TIE1: variants seen among roughly 807,000 people sequenced by gnomAD.
The protein encoded by TIE1 is tyrosine-protein kinase receptor Tie-1.
A neutral mutation model predicts 130.5 loss-of-function variants in TIE1; 89 were observed. That is an observed-to-expected ratio of 0.68 (90% confidence interval 0.57 to 0.81). TIE1 has a LOEUF of 0.81. Ranked by LOEUF, TIE1 falls within the 40% of genes least tolerant of loss-of-function variation. The probability of loss-of-function intolerance (pLI) is 0.00; values close to 1 mark genes in which losing one functional copy is unlikely to be tolerated. For synonymous variants in TIE1, 568 were observed against 629.4 expected (o/e 0.90, Z 1.46); for missense variants, 1,392 against 1,559.8 (o/e 0.89, Z 1.81).
rs984045324 is a variant in TIE1 at position 43,311,291 on chromosome 1, A to AT, written c.1334-368dup. Among the ~76,000 whole-genome samples the AT allele has an allele frequency of 1.9e-3, 279 of 144,586 alleles. No individual in the cohort carries two copies. In the East Asian group the frequency reaches 0.028, roughly 15 times the overall value. 94.9% of individuals were successfully genotyped at this position (144,586 alleles called of 152,430 possible). ...GAGCAGGTGCTTCAGTGCCAGTGCC[A>AT]TTTTTTTTTTTTAATAAGAGAGTGG... On this transcript the variant is annotated intron_variant, in intron 9 of 22. Transcript: ENST00000372476.
rs1407712878 is a variant in TIE1, at chr1:43,312,505, A to G, written c.1831A>G (p.Thr611Ala). ...QARTALLTGL[T>A]PGTHYQLDVQ... Reference sequence around the variant, plus strand: ...CCGCACTGCCCTCCTGACGGGACTCACGCCTGGCACCCACTACCAGCTGGA... The same window carrying G: ...CCGCACTGCCCTCCTGACGGGACTCGCGCCTGGCACCCACTACCAGCTGGA... Residue 611 changes from threonine to alanine, a missense_variant, in exon 12 of 23, where the codon ACG (threonine) becomes GCG (alanine). Physicochemically the swap from Thr to Ala is moderately conservative, Grantham distance 58 (BLOSUM62 0). Coordinates refer to ENST00000372476, the MANE Select transcript of TIE1 (RefSeq NM_005424.5). The surrounding 1 kb of genome is among the most constrained non-coding windows in gnomAD (Gnocchi z 5.6). 6.2e-7 allele frequency: 1 copy of G among 1,613,134 alleles called. No homozygotes were observed. The highest frequency in any genetic ancestry group is 8.5e-7 in the Non-Finnish European group (1 of 1,179,858).
chr1:43,316,565 G>T lies in TIE1; in HGVS notation c.2410-634G>T, dbSNP rs1366246784. ...CTTTGTTATAGTCTTGCTATTTTCA[G>T]GTCCTGGCCTGATTTTAGAGCTATG... On this transcript the variant is annotated intron_variant, in intron 14 of 22. Coordinates refer to ENST00000372476, the MANE Select transcript of TIE1 (RefSeq NM_005424.5). The surrounding 1 kb of genome is among the most constrained non-coding windows in gnomAD (Gnocchi z 4.4). Among the ~76,000 whole-genome samples, 1 of 152,208 alleles carries T rather than the reference G, an allele frequency of 6.6e-6. No individual in the cohort carries two copies. Among genetic ancestry groups the T allele is most frequent in the East Asian group, 1.9e-4 (1 of 5,196 alleles).
intron 19 of TIE1, 61 bp from the exon 20 acceptor site, chr1:43,321,208 G>A (rs2153913145): frequency 1.9e-6 from 3 of 1,583,990 alleles, no homozygotes; most frequent in South Asian, 2.2e-5. Context: ...TGGGCAGGTA[G>A]AAGCTAAACT....
At position 43,302,675 on chromosome 1, in the gene TIE1, G is replaced by A. The variant is rs188970594; in HGVS notation, c.58+1546G>A. On this transcript the variant is annotated intron_variant, in intron 1 of 22. Transcript: ENST00000372476. ...AGGAGGGATAGCGTGGGAGCATCACGGGGCTTAGGAGCACGAACATTATCC... is the reference window on the plus strand; with the variant it reads ...AGGAGGGATAGCGTGGGAGCATCACAGGGCTTAGGAGCACGAACATTATCC... Among the ~76,000 whole-genome samples the A allele has an allele frequency of 2.3e-4, 35 of 152,262 alleles. No homozygotes were observed. In the East Asian group the frequency reaches 6.2e-3, roughly 27 times the overall value.
chr1:43,308,161 G>T (rs1364575534), intron 7 of TIE1, among the ~76,000 whole-genome samples: 1 of 152,224 alleles, frequency 6.6e-6, no homozygotes, highest in Non-Finnish European at 1.5e-5. Context: ...AGTGGAAAGG[G>T]CAGCAGCCCA....
At position 43,322,994 on chromosome 1, in the gene TIE1, C is replaced by G. The variant is rs1646934497; in HGVS notation, c.*272C>G. The G allele has an allele frequency of 2.1e-6, 1 of 472,356 alleles. No homozygotes were observed. Among genetic ancestry groups the G allele is most frequent in the Admixed American group, 3.5e-5 (1 of 28,794 alleles). 29.3% of individuals were successfully genotyped at this position (472,356 alleles called of 1,614,324 possible). Reference sequence around the variant, plus strand: ...CATCCCACTGCTCCCCCAACACAAACCCCCACTCCAGCTCCTTCGCTTAAG... The same window carrying G: ...CATCCCACTGCTCCCCCAACACAAAGCCCCACTCCAGCTCCTTCGCTTAAG... On this transcript the variant is annotated 3_prime_UTR_variant, in exon 23 of 23. Coordinates refer to ENST00000372476, the MANE Select transcript of TIE1 (RefSeq NM_005424.5). This position sits in a 1 kb window ranked among gnomAD's most constrained non-coding sequence, Gnocchi z 4.0.
chr1:43,319,808 T>G lies in TIE1; in HGVS notation c.3107+279T>G. The G allele has an allele frequency of 2.2e-6, 1 of 458,496 alleles. No homozygotes were observed. 28.4% of individuals were successfully genotyped at this position (458,496 alleles called of 1,614,324 possible). On this transcript the variant is annotated intron_variant, in intron 19 of 22. Transcript: ENST00000372476. The surrounding 1 kb of genome is among the most constrained non-coding windows in gnomAD (Gnocchi z 4.7). ...ATGCCTTGGAGAGGTTTGGGAATGC[T>G]GGCGGATGCTTCCTGAGGTAGATGG... is the stretch of plus-strand genomic sequence containing the variant.
At chr1:43,301,260 G>C in intron 1 of TIE1, 131 bp downstream of exon 1, 1 of 980,596 alleles carries the variant, frequency 1.0e-6, no homozygotes, top group Non-Finnish European at 1.5e-6. Context: ...AGGAAGAAAT[G>C]GGGAGTTTTG....
At chr1:43,321,223 G>T (rs1352272680) in intron 19 of TIE1, 46 bp from the exon 20 acceptor site, 1 of 1,611,048 alleles carries the variant, frequency 6.2e-7, no homozygotes, top group Non-Finnish European at 8.5e-7. Flanking sequence ...TAAACTGCTA[G>T]GGACCAGGGC....
chr1:43,313,654 C>T lies in TIE1; in HGVS notation c.2219-124C>T. The T allele has an allele frequency of 8.5e-7, 1 of 1,178,770 alleles. No individual in the cohort carries two copies. The highest frequency in any genetic ancestry group is 1.6e-5 in the South Asian group (1 of 63,452). The allele number at this position is 1,178,770 out of a possible 1,614,324, so 73.0% of individuals were successfully genotyped here. The stretch of plus-strand genomic sequence containing the variant: ...CCCCTCATCCCTTCCTTCATGTGGC[C>T]CAAGTGATTTCCTGACAGTCCTGGC... On this transcript the variant is annotated intron_variant, in intron 13 of 22. Transcript: ENST00000372476. The surrounding 1 kb of genome is among the most constrained non-coding windows in gnomAD (Gnocchi z 6.2).
Position 43,319,637 on chromosome 1 carries a change from G to A in TIE1, c.3107+108G>A, listed in dbSNP as rs937667743. On this transcript the variant is annotated intron_variant, in intron 19 of 22. Coordinates refer to ENST00000372476, the MANE Select transcript of TIE1 (RefSeq NM_005424.5). This position sits in a 1 kb window ranked among gnomAD's most constrained non-coding sequence, Gnocchi z 4.7. The stretch of plus-strand genomic sequence containing the variant: ...ATAGGTGGTCTAAGGCATGACCTGG[G>A]CTGTGTTCCAGGTGTGACACAGGTG... The A allele has an allele frequency of 6.8e-6, 8 of 1,180,992 alleles. No individual in the cohort carries two copies. Among genetic ancestry groups the A allele is most frequent in the Non-Finnish European group, 1.0e-5 (8 of 795,412 alleles). 73.2% of individuals were successfully genotyped at this position (1,180,992 alleles called of 1,614,324 possible).
intron 19 of TIE1, chr1:43,320,570 T>C (rs1646903528): frequency 6.6e-6 from 1 of 151,814 alleles, no homozygotes; most frequent in Non-Finnish European, 1.5e-5. Flanking sequence ...ATACAAAACA[T>C]GGCCGGGCGT....
chr1:43,318,170 A>G lies in TIE1; in HGVS notation c.2922+98A>G. On this transcript the variant is annotated intron_variant, in intron 17 of 22. Coordinates refer to ENST00000372476, the MANE Select transcript of TIE1 (RefSeq NM_005424.5). This position sits in a 1 kb window ranked among gnomAD's most constrained non-coding sequence, Gnocchi z 4.4. Reference sequence around the variant, plus strand: ...CGGCCCTGATTGTATCTGGGGATTGAGGTTCCTGGCCCAAGTGTGTGGGTG... The same window carrying G: ...CGGCCCTGATTGTATCTGGGGATTGGGGTTCCTGGCCCAAGTGTGTGGGTG... The G allele has an allele frequency of 1.4e-6, 2 of 1,430,248 alleles. No homozygotes were observed. Among genetic ancestry groups the G allele is most frequent in the Non-Finnish European group, 1.9e-6 (2 of 1,076,698 alleles). 88.6% of individuals were successfully genotyped at this position (1,430,248 alleles called of 1,614,324 possible).
At position 43,322,998 on chromosome 1, in the gene TIE1, C is replaced by T. The variant is rs186529011; in HGVS notation, c.*276C>T. On this transcript the variant is annotated 3_prime_UTR_variant, in exon 23 of 23. Transcript: ENST00000372476. The surrounding 1 kb of genome is among the most constrained non-coding windows in gnomAD (Gnocchi z 4.0). ...CCACTGCTCCCCCAACACAAACCCC[C>T]ACTCCAGCTCCTTCGCTTAAGCCAG... is the stretch of plus-strand genomic sequence containing the variant. 24 of 464,666 alleles carry T rather than the reference C, an allele frequency of 5.2e-5. No homozygotes were observed. The highest frequency in any genetic ancestry group is 3.5e-4 in the African/African-American group (18 of 51,166). The allele number at this position is 464,666 out of a possible 1,614,324, so 28.8% of individuals were successfully genotyped here.
intron 14 of TIE1, chr1:43,314,279 T>C: frequency 2.2e-6 from 2 of 911,744 alleles, no homozygotes; most frequent in South Asian, 3.6e-5. Flanking sequence ...TTGGAGATTT[T>C]CCTCTCCCCT....
At chr1:43,314,272 G>C in intron 14 of TIE1, 1 of 876,592 alleles carries the variant, frequency 1.1e-6, no homozygotes, top group Non-Finnish European at 1.6e-6. Flanking sequence ...CCGTCAATTG[G>C]AGATTTTCCT....
In TIE1 at chr1:43,321,385, C is replaced by T. The variant is rs749758657; in HGVS notation, c.3149-11C>T. On this transcript the variant is annotated splice_polypyrimidine_tract_variant and intron_variant, in intron 20 of 22. Transcript: ENST00000372476. ...AGCCCTGGACCGAGAGCACTTTGTC[C>T]CCTCCTGCAGGAGGTACACCCTACT... 1 of 1,613,888 alleles carries T rather than the reference C, an allele frequency of 6.2e-7. No homozygotes were observed. Among genetic ancestry groups the T allele is most frequent in the Non-Finnish European group, 8.5e-7 (1 of 1,179,856 alleles).
chr1:43,312,997 G>T lies in TIE1; in HGVS notation c.1928-138G>T, dbSNP rs1306714921. 8.2e-6 allele frequency: 8 copies of T among 976,076 alleles called. No homozygotes were observed. Among genetic ancestry groups the T allele is most frequent in the Middle Eastern group, 3.3e-4 (1 of 3,014 alleles). The allele number at this position is 976,076 out of a possible 1,614,324, so 60.5% of individuals were successfully genotyped here. A position where few individuals can be genotyped will look rare whatever the true frequency, so the allele number is the denominator to read the frequency against. ...GGAATGGAGAGGAATTCAGTCTGGT[G>T]GGGAGGAGGAAGTTGGCAGGGTGGC... On this transcript the variant is annotated intron_variant, in intron 12 of 22. Coordinates refer to ENST00000372476, the MANE Select transcript of TIE1 (RefSeq NM_005424.5). The surrounding 1 kb of genome is among the most constrained non-coding windows in gnomAD (Gnocchi z 5.6).
At chr1:43,314,079 A>C in intron 14 of TIE1, 111 bp downstream of exon 14, 1 of 1,121,844 alleles carries the variant, frequency 8.9e-7, no homozygotes, top group Non-Finnish European at 1.3e-6. Context: ...GTGTGTGTTT[A>C]TGTTGCAGGT....
Sources: allele counts gnomAD v4.1 joint callset (sites outside exome capture counted in the v4.1 genomes callset), GRCh38; gene constraint gnomAD v4.1.1; non-coding constraint Gnocchi (gnomAD v3.1); transcripts MANE v1.5; gene names NCBI Gene and HGNC (gene_info 2026-07-23, HGNC 2026-07-21).